Variants in ERC2 observed in about 807,000 individuals in gnomAD.
ERC2 encodes ELKS/RAB6-interacting/CAST family member 2, also known as ERC protein 2.
ERC2 carries 42 observed loss-of-function variants against 114.8 expected under a neutral mutation model. The ratio of observed to expected loss-of-function variants is 0.37; its 90% CI spans 0.29 to 0.47. The LOEUF (loss-of-function observed/expected upper bound fraction) is 0.47. Ranked by LOEUF, ERC2 falls within the 20% of genes least tolerant of loss-of-function variation. The probability of loss-of-function intolerance (pLI) is 0.99; values close to 1 mark genes in which losing one functional copy is unlikely to be tolerated. For missense variants in ERC2, 939 were observed against 1,150.7 expected (o/e 0.82, Z 2.66); for synonymous variants, 454 against 425.5 (o/e 1.07, Z -0.82).
chr3:56,068,592 G>A (rs1391976582), intron 7 of ERC2, among the ~76,000 whole-genome samples: 1 of 151,920 alleles, frequency 6.6e-6, no homozygotes, highest in Non-Finnish European at 1.5e-5. Flanking sequence ...GTTAATTTTT[G>A]GATTGGTTTG....
intron 14 of ERC2, among the ~76,000 whole-genome samples, chr3:55,759,952 C>G (rs1240146971): frequency 6.6e-6 from 1 of 152,178 alleles, no homozygotes; most frequent in Non-Finnish European, 1.5e-5. Flanking sequence ...CAACACTGGA[C>G]TTTTCATAAT....
chr3:56,434,644 C>A lies in ERC2; in HGVS notation c.364G>T (p.Gly122Cys). 7 of 1,613,962 alleles carry A rather than the reference C, an allele frequency of 4.3e-6. No homozygotes were observed. Among genetic ancestry groups the A allele is most frequent in the Non-Finnish European group, 5.9e-6 (7 of 1,179,892 alleles). The change falls in exon 2 of 18, where the codon GGT becomes TGT. Residue 122 changes from glycine (G) to cysteine (C), a missense_variant. Physicochemically the swap from Gly to Cys is radical, Grantham distance 159 (BLOSUM62 -3). Transcript: ENST00000288221. Reference protein sequence around the residue: ...TDVLSYTDQHGGLTGSSHHHH... With the variant: ...TDVLSYTDQHCGLTGSSHHHH... ...TGATGGGATGAGCCAGTCAGCCCAC[C>A]ATGTTGATCTGTGTATGAAAGGACA...
At chr3:55,635,339 A>G (rs1048048691) in intron 17 of ERC2, among the ~76,000 whole-genome samples, 2 of 152,206 alleles carry the variant, frequency 1.3e-5, no homozygotes, top group African/African-American at 4.8e-5. Context: ...GTTTATAAAC[A>G]TTAGTGGTGA....
intron 1 of ERC2, among the ~76,000 whole-genome samples, chr3:56,458,777 G>A (rs1481830709): frequency 6.6e-6 from 1 of 152,112 alleles, no homozygotes; most frequent in African/African-American, 2.4e-5. Flanking sequence ...AGCCTTAGAA[G>A]GGAAGGAAAA....
At chr3:56,332,325 T>C (rs2057662868) in intron 2 of ERC2, among the ~76,000 whole-genome samples, 1 of 152,178 alleles carries the variant, frequency 6.6e-6, no homozygotes, top group Non-Finnish European at 1.5e-5. Flanking sequence ...TCCATAATAA[T>C]CATCATCATA....
At chr3:56,077,568 T>C (rs530693840) in intron 7 of ERC2, among the ~76,000 whole-genome samples, 4 of 152,338 alleles carry the variant, frequency 2.6e-5, no homozygotes, top group South Asian at 2.1e-4. Context: ...CACTTATGCA[T>C]TGGAAGTGCC....
intron 3 of ERC2, among the ~76,000 whole-genome samples, chr3:56,247,315 C>T (rs1164275775): frequency 1.4e-5 from 2 of 141,724 alleles, no homozygotes; most frequent in Non-Finnish European, 3.2e-5. Context: ...AGTGATCAAT[C>T]AGGCTAATAA....
chr3:55,712,067 G>A (rs2063806295), intron 15 of ERC2, among the ~76,000 whole-genome samples: 1 of 152,162 alleles, frequency 6.6e-6, no homozygotes, highest in African/African-American at 2.4e-5. Context: ...ATAATTTGAA[G>A]CTGAGCATAA....
In ERC2 at chr3:56,367,945, T is replaced by TA. The variant is rs56372235; in HGVS notation, c.657+66405dup. Among the ~76,000 whole-genome samples the TA allele has an allele frequency of 2.1e-3, 245 of 118,040 alleles. 1 individual carries two copies. The highest frequency in any genetic ancestry group is 5.2e-3 in the African/African-American group (162 of 31,330). 77.4% of individuals were successfully genotyped at this position (118,040 alleles called of 152,430 possible). On this transcript the variant is annotated intron_variant, in intron 2 of 17. Coordinates refer to ENST00000288221, the MANE Select transcript of ERC2 (RefSeq NM_015576.3). ...GCCCAGGAGAGACTCCATCTCTCTTTAAAAAAAAAAAAAAAAAAAAAGTGT... is the reference window on the plus strand; with the variant it reads ...GCCCAGGAGAGACTCCATCTCTCTTTAAAAAAAAAAAAAAAAAAAAAAGTGT...
Position 55,903,639 on chromosome 3 carries a change from C to T in ERC2, c.2404-15090G>A, listed in dbSNP as rs186519942. ...ATTATACATATATCGAAATGAATAC[C>T]CCATTTTGATGGGTCACATTCAGAA... On this transcript the variant is annotated intron_variant, in intron 13 of 17. Transcript: ENST00000288221. Among the ~76,000 whole-genome samples, 153 of 152,078 alleles carry T rather than the reference C, an allele frequency of 1.0e-3. 2 individuals carry two copies. Among genetic ancestry groups the T allele is most frequent in the Non-Finnish European group, 1.5e-4 (10 of 68,014 alleles).
At chr3:55,728,277 G>A (rs1020483312) in intron 15 of ERC2, among the ~76,000 whole-genome samples, 1 of 152,180 alleles carries the variant, frequency 6.6e-6, no homozygotes, top group Non-Finnish European at 1.5e-5. Flanking sequence ...TAGCAAGGCA[G>A]ATAGCTATTA....
intron 6 of ERC2, among the ~76,000 whole-genome samples, chr3:56,120,506 A>G (rs138881153): frequency 2.0e-5 from 3 of 152,324 alleles, no homozygotes; most frequent in African/African-American, 7.2e-5. Flanking sequence ...TGAGATTAGA[A>G]GCCAAAATGA....
chr3:56,217,718 A>G (rs1247797251), intron 3 of ERC2, among the ~76,000 whole-genome samples: 2 of 152,208 alleles, frequency 1.3e-5, no homozygotes, highest in Non-Finnish European at 1.5e-5. Context: ...TGGAGGCATC[A>G]CGCTACCTGA....
chr3:56,202,821 T>G (rs2048483279), intron 3 of ERC2, among the ~76,000 whole-genome samples: 2 of 152,160 alleles, frequency 1.3e-5, no homozygotes, highest in Non-Finnish European at 2.9e-5. Context: ...TACAGCATAG[T>G]GACTACAGTT....
chr3:55,923,535 A>C (rs1030003986), intron 13 of ERC2, among the ~76,000 whole-genome samples: 1 of 152,114 alleles, frequency 6.6e-6, no homozygotes, highest in Non-Finnish European at 1.5e-5. Context: ...ATAAAAAAAA[A>C]GTTGGTTCAG....
chr3:55,732,467 T>A (rs1229126421), intron 15 of ERC2, among the ~76,000 whole-genome samples: 3 of 151,984 alleles, frequency 2.0e-5, no homozygotes, highest in African/African-American at 7.3e-5. Context: ...GTAGCTGAGG[T>A]TTCCCAAATG....
chr3:55,932,288 T>C (rs2066143924), intron 13 of ERC2, among the ~76,000 whole-genome samples: 1 of 152,232 alleles, frequency 6.6e-6, no homozygotes, highest in African/African-American at 2.4e-5. Context: ...TTAAAGAATT[T>C]CTATGTACCG....
intron 14 of ERC2, among the ~76,000 whole-genome samples, chr3:55,779,986 A>T (rs138593621): frequency 2.0e-5 from 3 of 152,214 alleles, no homozygotes; most frequent in South Asian, 2.1e-4. Flanking sequence ...GGCATTAAAT[A>T]AAAATTCAAC....
At chr3:56,419,154 G>T (rs1388253) in intron 2 of ERC2, among the ~76,000 whole-genome samples, 1,528 of 152,294 alleles carry the variant, frequency 0.01, 26 homozygotes, top group African/African-American at 0.035. Flanking sequence ...GTCTTCTTCA[G>T]CCCTTGGCAT....
Sources: allele counts gnomAD v4.1 joint callset (sites outside exome capture counted in the v4.1 genomes callset), GRCh38; gene constraint gnomAD v4.1.1; transcripts MANE v1.5; gene names NCBI Gene and HGNC (gene_info 2026-07-23, HGNC 2026-07-21).